Variants in SHC3 observed in about 807,000 individuals in gnomAD.
The protein encoded by SHC3 is SHC adaptor protein 3.
Under a neutral mutation model 60.4 loss-of-function variants are expected in SHC3, and 15 were observed. The ratio of observed to expected loss-of-function variants is 0.25; its 90% CI spans 0.17 to 0.38. The LOEUF is 0.38. Ranked by LOEUF, SHC3 falls within the 10% of genes least tolerant of loss-of-function variation. SHC3 has a pLI of 1.00. For missense variants in SHC3, 677 were observed against 786.1 expected, an observed-to-expected ratio of 0.86 and a Z score of 1.66; for synonymous variants, 294 against 325.9, an observed-to-expected ratio of 0.90 and a Z score of 1.05.
At chr9:89,148,783 A>T (rs1343738333) in intron 1 of SHC3, among the ~76,000 whole-genome samples, 1 of 152,242 alleles carries the variant, frequency 6.6e-6, no homozygotes, top group Non-Finnish European at 1.5e-5. Context: ...AAGAAGAAAA[A>T]GTCACTGACT....
intron 6 of SHC3, among the ~76,000 whole-genome samples, chr9:89,062,198 G>A (rs1178491951): frequency 6.6e-6 from 1 of 152,156 alleles, no homozygotes; most frequent in African/African-American, 2.4e-5. Flanking sequence ...GAGTCACCCG[G>A]TAGTAATGAA....
chr9:89,101,466 G>A (rs565725929), intron 2 of SHC3, among the ~76,000 whole-genome samples: 35 of 152,088 alleles, frequency 2.3e-4, no homozygotes, highest in African/African-American at 8.2e-4. Flanking sequence ...CATTAACTAT[G>A]ATATTGACTG....
rs1009544197 is a variant in SHC3 at position 89,006,451 on chromosome 9, A to G, written c.*6996T>C. Reference sequence around the variant, plus strand: ...GCATTTCCACTCCTCAGGGATGTCAAAAAAGCCAGTTCTGTTCCAGCACAA... The same window carrying G: ...GCATTTCCACTCCTCAGGGATGTCAGAAAAGCCAGTTCTGTTCCAGCACAA... On this transcript the variant is annotated 3_prime_UTR_variant, in exon 12 of 12. Transcript: ENST00000375835. The G allele has an allele frequency of 1.3e-5, 2 of 152,270 alleles. No homozygotes were observed. The highest frequency in any genetic ancestry group is 4.8e-5 in the African/African-American group (2 of 41,472). 9.4% of individuals were successfully genotyped at this position (152,270 alleles called of 1,614,324 possible). A position where few individuals can be genotyped will look rare whatever the true frequency, so the allele number is the denominator to read the frequency against.
chr9:89,041,294 C>G (rs773309883), intron 10 of SHC3, among the ~76,000 whole-genome samples: 18 of 152,218 alleles, frequency 1.2e-4, no homozygotes, highest in Non-Finnish European at 2.2e-4. Flanking sequence ...GTACACATCC[C>G]ACTATAATGC....
intron 11 of SHC3, among the ~76,000 whole-genome samples, chr9:89,018,333 C>T (rs1379728027): frequency 2.6e-5 from 4 of 152,286 alleles, no homozygotes; most frequent in African/African-American, 9.6e-5. Flanking sequence ...GAGTTCATGT[C>T]CTTTGCAGGG....
At position 89,013,433 on chromosome 9, in the gene SHC3, C is replaced by A; in HGVS notation, c.*14G>T. The A allele has an allele frequency of 6.3e-7, 1 of 1,599,560 alleles. No homozygotes were observed. Among genetic ancestry groups the A allele is most frequent in the African/African-American group, 1.3e-5 (1 of 74,236 alleles). On this transcript the variant is annotated 3_prime_UTR_variant, in exon 12 of 12. Coordinates refer to ENST00000375835, the MANE Select transcript of SHC3 (RefSeq NM_016848.6). ...CTGACCTGGTGCGCAGTGCTGGGAG[C>A]AGTGCTGGCCAGGTCACTGCTTCCT...
intron 2 of SHC3, among the ~76,000 whole-genome samples, chr9:89,092,882 T>TA (rs1364205885): frequency 6.6e-6 from 1 of 152,150 alleles, no homozygotes; most frequent in Non-Finnish European, 1.5e-5. Context: ...TGTTTTAATT[T>TA]AAAAAAATAA....
At chr9:89,127,310 C>A (rs1374738533) in intron 1 of SHC3, among the ~76,000 whole-genome samples, 1 of 152,028 alleles carries the variant, frequency 6.6e-6, no homozygotes, top group African/African-American at 2.4e-5. Flanking sequence ...TGGTACAGTT[C>A]AAAAGCCAGA....
intron 1 of SHC3, among the ~76,000 whole-genome samples, chr9:89,147,634 T>C (rs1388869355): frequency 6.6e-6 from 1 of 152,190 alleles, no homozygotes; most frequent in Admixed American, 6.5e-5. Context: ...TAGAACGCTC[T>C]GTGTCCTGTT....
chr9:89,014,315 T>A (rs1046203070), intron 11 of SHC3, among the ~76,000 whole-genome samples: 1 of 152,118 alleles, frequency 6.6e-6, no homozygotes, highest in African/African-American at 2.4e-5. Context: ...ATCAGCCGCC[T>A]CCACTCTGAG....
intron 1 of SHC3, among the ~76,000 whole-genome samples, chr9:89,162,832 G>T (rs1324642765): frequency 1.4e-5 from 2 of 147,424 alleles, no homozygotes; most frequent in East Asian, 2.0e-4. Context: ...GAAAATTTTC[G>T]CAAGCTACTC....
In SHC3 at chr9:89,027,409, C is replaced by T. The variant is rs1488460937; in HGVS notation, c.1656+10584G>A. ...ATCTCGGCTCACTGCAGGCTGTGCC[C>T]CCCGGGTTCACGCCATTCTGCCTCA... On this transcript the variant is annotated intron_variant, in intron 11 of 11. Coordinates refer to ENST00000375835, the MANE Select transcript of SHC3 (RefSeq NM_016848.6). 2.7e-5 allele frequency among the ~76,000 whole-genome samples: 4 copies of T among 149,618 alleles called. 1 individual carries two copies. Among genetic ancestry groups the T allele is most frequent in the Admixed American group, 1.3e-4 (2 of 15,088 alleles).
intron 1 of SHC3, among the ~76,000 whole-genome samples, chr9:89,126,114 A>G (rs544363727): frequency 6.6e-6 from 1 of 152,216 alleles, no homozygotes; most frequent in African/African-American, 2.4e-5. Context: ...CCCTAACCCA[A>G]AGGAAAATCA....
intron 2 of SHC3, among the ~76,000 whole-genome samples, chr9:89,099,902 A>C (rs1825758365): frequency 6.6e-6 from 1 of 152,216 alleles, no homozygotes; most frequent in Admixed American, 6.5e-5. Flanking sequence ...TGTTTTTGTA[A>C]TCAGAAAAAA....
At chr9:89,051,955 CA>C in intron 7 of SHC3, 81 bp downstream of exon 7, 2 of 1,568,502 alleles carry the variant, frequency 1.3e-6, no homozygotes, top group East Asian at 4.7e-5. Flanking sequence ...CTGTCCAGAA[CA>C]CAGCTCAGGG....
At chr9:89,038,385 A>G (rs2117873292) in intron 10 of SHC3, 97 bp from the exon 11 acceptor site, 3 of 1,321,022 alleles carry the variant, frequency 2.3e-6, no homozygotes, top group Non-Finnish European at 3.1e-6. Context: ...ATGGAAATGC[A>G]AAGGCAACTC....
intron 1 of SHC3, among the ~76,000 whole-genome samples, chr9:89,131,222 C>T (rs1027052123): frequency 3.9e-5 from 6 of 151,960 alleles, no homozygotes; most frequent in Admixed American, 3.9e-4. Context: ...AAGTTGAATC[C>T]CTGAATAGAC....
At chr9:89,103,245 A>AG (rs1825809053) in intron 2 of SHC3, among the ~76,000 whole-genome samples, 1 of 152,014 alleles carries the variant, frequency 6.6e-6, no homozygotes, top group Non-Finnish European at 1.5e-5. Flanking sequence ...AGACGGGAAA[A>AG]AGAGAAATGA....
intron 1 of SHC3, among the ~76,000 whole-genome samples, chr9:89,117,650 T>C (rs558375329): frequency 8.5e-5 from 13 of 152,290 alleles, no homozygotes; most frequent in African/African-American, 3.1e-4. Flanking sequence ...TAATCATATA[T>C]GTTGGTCATT....
Sources: allele counts gnomAD v4.1 joint callset (sites outside exome capture counted in the v4.1 genomes callset), GRCh38; gene constraint gnomAD v4.1.1; transcripts MANE v1.5; gene names NCBI Gene and HGNC (gene_info 2026-07-23, HGNC 2026-07-21).